Variants in KCTD20 observed in about 807,000 individuals in gnomAD.
The protein encoded by KCTD20 is potassium channel tetramerization domain containing 20.
A neutral mutation model predicts 39.6 loss-of-function variants in KCTD20; 30 were observed. The observed-to-expected ratio is 0.76, with a 90% CI of 0.57 to 1.03. KCTD20 has a LOEUF of 1.03. KCTD20 is among the 50% of genes least tolerant of loss of function. The pLI is 0.00. For missense variants in KCTD20, 422 were observed against 522.0 expected, an observed-to-expected ratio of 0.81 and a Z score of 1.87; for synonymous variants, 162 against 180.6, an observed-to-expected ratio of 0.90 and a Z score of 0.83.
intron 2 of KCTD20, among the ~76,000 whole-genome samples, chr6:36,473,146 T>C (rs923802579): frequency 2.0e-5 from 3 of 151,722 alleles, no homozygotes; most frequent in Non-Finnish European, 2.9e-5. Flanking sequence ...CTGCAAGCTC[T>C]GCCTCCCGGG....
intron 6 of KCTD20, 140 bp downstream of exon 6, chr6:36,481,899 C>T (rs3756912): frequency 0.23 from 163,502 of 708,426 alleles, 21,678 homozygotes; most frequent in African/African-American, 0.44. Flanking sequence ...TCCCTAGTGA[C>T]GCAGGTCTAG....
chr6:36,478,238 T>C lies in KCTD20; in HGVS notation c.435-883T>C, dbSNP rs1005940458. On this transcript the variant is annotated intron_variant, in intron 3 of 7. Coordinates refer to ENST00000373731, the MANE Select transcript of KCTD20 (RefSeq NM_173562.5). ...ATTGGGAAGTCAAATCTTAGGCTGG[T>C]TGAAGATAGCAGCTGCCTGCCCTAT... 3.3e-5 allele frequency among the ~76,000 whole-genome samples: 5 copies of C among 152,166 alleles called. No homozygotes were observed. The East Asian group carries it at 5.8e-4, about 18-fold the overall frequency.
At chr6:36,485,753 A>G (rs1259349454) in intron 7 of KCTD20, among the ~76,000 whole-genome samples, 2 of 151,948 alleles carry the variant, frequency 1.3e-5, no homozygotes, top group Non-Finnish European at 2.9e-5. Flanking sequence ...CGGCCTCCCT[A>G]AGTGCTGGGA....
chr6:36,450,489 A>C (rs75392245), intron 1 of KCTD20, among the ~76,000 whole-genome samples: 1 of 147,896 alleles, frequency 6.8e-6, no homozygotes, highest in Admixed American at 6.8e-5. Flanking sequence ...CTCTGTCTCA[A>C]AAAAAAAAAA....
At chr6:36,471,467 ATATT>A (rs1775908740) in intron 2 of KCTD20, among the ~76,000 whole-genome samples, 1 of 152,188 alleles carries the variant, frequency 6.6e-6, no homozygotes, top group Non-Finnish European at 1.5e-5. Flanking sequence ...CAAGCCTAAA[ATATT>A]TACTTTGTAG....
Position 36,488,566 on chromosome 6 carries a change from GA to G in KCTD20, c.*1394del, listed in dbSNP as rs1446187422. Reference sequence around the variant, plus strand: ...CTCTTATCCAAAATGCTAGGGACCAGAAAGGTTTCAGATTTTTTCAGATTTT... The same window carrying G: ...CTCTTATCCAAAATGCTAGGGACCAGAAGGTTTCAGATTTTTTCAGATTTT... On this transcript the variant is annotated 3_prime_UTR_variant, in exon 8 of 8. Coordinates refer to ENST00000373731, the MANE Select transcript of KCTD20 (RefSeq NM_173562.5). The G allele has an allele frequency of 6.6e-6, 1 of 152,220 alleles. No individual in the cohort carries two copies. The highest frequency in any genetic ancestry group is 1.5e-5 in the Non-Finnish European group (1 of 68,042). The allele number at this position is 152,220 out of a possible 1,614,324, so 9.4% of individuals were successfully genotyped here. A position where few individuals can be genotyped will look rare whatever the true frequency, so the allele number is the denominator to read the frequency against.
intron 1 of KCTD20, among the ~76,000 whole-genome samples, chr6:36,448,938 C>T (rs569945034): frequency 5.3e-5 from 8 of 151,426 alleles, no homozygotes; most frequent in East Asian, 1.9e-4. Flanking sequence ...TTAAAGGTGG[C>T]GTGTCTGGAG....
chr6:36,476,557 G>A (rs1776070528), intron 3 of KCTD20, among the ~76,000 whole-genome samples: 1 of 151,506 alleles, frequency 6.6e-6, no homozygotes, highest in Non-Finnish European at 1.5e-5. Flanking sequence ...AGCCTCCCAA[G>A]TAGCTGGGAT....
At position 36,487,065 on chromosome 6, in the gene KCTD20, G is replaced by A; in HGVS notation, c.1150G>A (p.Asp384Asn). The change falls in exon 8 of 8, where the codon GAT becomes AAT. Residue 384 changes from aspartate (D) to asparagine (N), a missense_variant. Transcript: ENST00000373731. ...CACGAATCTGGTAGCTGCTGGAGAT[G>A]ATGTCTTGGAGGACCAGGAGATATT... Reference protein sequence around the residue: ...SLTNLVAAGDDVLEDQEILMH... With the variant: ...SLTNLVAAGDNVLEDQEILMH... The A allele has an allele frequency of 6.2e-7, 1 of 1,614,218 alleles. No homozygotes were observed. The highest frequency in any genetic ancestry group is 1.1e-5 in the South Asian group (1 of 91,080).
At chr6:36,480,088 C>G (rs540097310) in intron 5 of KCTD20, among the ~76,000 whole-genome samples, 2 of 152,260 alleles carry the variant, frequency 1.3e-5, no homozygotes, top group African/African-American at 2.4e-5. Context: ...GCCACCAAGC[C>G]CAGCTGATAT....
chr6:36,463,783 T>A (rs1313752617), intron 1 of KCTD20, among the ~76,000 whole-genome samples: 1 of 152,152 alleles, frequency 6.6e-6, no homozygotes, highest in East Asian at 1.9e-4. Context: ...GAAAAGAAAT[T>A]TCTGTTCTTT....
At chr6:36,475,521 G>T (rs1456457096) in intron 3 of KCTD20, among the ~76,000 whole-genome samples, 2 of 151,886 alleles carry the variant, frequency 1.3e-5, no homozygotes, top group Non-Finnish European at 1.5e-5. Context: ...GCTGGTAAAA[G>T]CCTAATACAT....
At chr6:36,452,999 CTT>C (rs59865602) in intron 1 of KCTD20, among the ~76,000 whole-genome samples, 8,281 of 57,546 alleles carry the variant, frequency 0.14, 109 homozygotes, top group East Asian at 0.26. Flanking sequence ...GTTTTCTTAG[CTT>C]TTTTTTTTTT....
chr6:36,474,810 C>G lies in KCTD20; in HGVS notation c.182C>G (p.Ser61Cys). The G allele has an allele frequency of 6.2e-7, 1 of 1,611,886 alleles. No individual in the cohort carries two copies. The highest frequency in any genetic ancestry group is 8.5e-7 in the Non-Finnish European group (1 of 1,178,410). The change falls in exon 3 of 8, where the codon TCT becomes TGT. Residue 61 changes from serine to cysteine, a missense_variant. By Grantham distance (112) the Ser-to-Cys change is moderately radical. Coordinates refer to ENST00000373731, the MANE Select transcript of KCTD20 (RefSeq NM_173562.5). The part of the protein sequence containing the change: ...RNEDLSLDYA[S>C]QPANLQFPHI... ...TTAGACCTCTCACTTGACTATGCCT[C>G]TCAGCCAGCAAATCTTCAGTTCCCT...
intron 1 of KCTD20, among the ~76,000 whole-genome samples, chr6:36,450,190 A>G (rs1290094118): frequency 8.0e-6 from 1 of 125,094 alleles, no homozygotes; most frequent in Non-Finnish European, 1.7e-5. Context: ...AAAAAAAAAA[A>G]GAAGTTATGT....
intron 7 of KCTD20, among the ~76,000 whole-genome samples, chr6:36,485,963 G>A (rs968014169): frequency 6.6e-6 from 1 of 152,046 alleles, no homozygotes; most frequent in Non-Finnish European, 1.5e-5. Flanking sequence ...GGAGTACAGT[G>A]ACACAATCAT....
chr6:36,456,366 C>T (rs957774662), intron 1 of KCTD20, among the ~76,000 whole-genome samples: 1 of 152,124 alleles, frequency 6.6e-6, no homozygotes, highest in African/African-American at 2.4e-5. Context: ...GCAACCTCTG[C>T]CTCCCGGGTT....
chr6:36,477,535 C>T (rs1327761297), intron 3 of KCTD20, among the ~76,000 whole-genome samples: 1 of 146,366 alleles, frequency 6.8e-6, no homozygotes, highest in Non-Finnish European at 1.5e-5. Flanking sequence ...GGCTGGAGTG[C>T]AGTCGCGCGA....
chr6:36,472,058 C>T (rs562141247), intron 2 of KCTD20, among the ~76,000 whole-genome samples: 27 of 152,276 alleles, frequency 1.8e-4, no homozygotes, highest in Middle Eastern at 3.4e-3. Context: ...CTGTGTTAGC[C>T]AGGATGGTCT....
Sources: gnomAD v4.1 joint callset for allele counts (sites outside exome capture counted in the v4.1 genomes callset) on GRCh38, gnomAD v4.1.1 for gene constraint, MANE v1.5 for transcripts, NCBI Gene and HGNC (gene_info 2026-07-23, HGNC 2026-07-21) for gene names.